RAI14: variants seen among roughly 807,000 people sequenced by gnomAD.
RAI14 encodes retinoic acid induced 14, also known as ankycorbin.
Under a neutral mutation model 115.4 loss-of-function variants are expected in RAI14, and 45 were observed. The ratio of observed to expected loss-of-function variants is 0.39; its 90% CI spans 0.31 to 0.50. RAI14 has a LOEUF of 0.50. Among genes scored for constraint, RAI14 ranks in the 20% least tolerant of loss-of-function variants. The pLI, the probability that RAI14 is intolerant of heterozygous loss-of-function variation, is 0.85. For missense variants in RAI14, 939 were observed against 1,131.2 expected (o/e 0.83, Z 2.44); for synonymous variants, 371 against 415.4 (o/e 0.89, Z 1.30).
At chr5:34,733,587 C>T (rs1744465971) in intron 2 of RAI14, among the ~76,000 whole-genome samples, 2 of 152,170 alleles carry the variant, frequency 1.3e-5, no homozygotes, top group African/African-American at 2.4e-5. Context: ...CTCTCTTTCA[C>T]CTAGAGCATC....
In RAI14 at chr5:34,748,519, G is replaced by T. The variant is rs542463271; in HGVS notation, c.37-8949G>T. Among the ~76,000 whole-genome samples the T allele has an allele frequency of 9.2e-5, 14 of 152,196 alleles. No individual in the cohort carries two copies. In the East Asian group the frequency reaches 2.7e-3, roughly 29 times the overall value. ...TAAATATTACTTCTTGCAAGGACTG[G>T]TTCACAATCCAGTCAGGAAACTCCC... On this transcript the variant is annotated intron_variant, in intron 2 of 17. Coordinates refer to ENST00000265109, the MANE Select transcript of RAI14 (RefSeq NM_015577.3).
rs1756861558 is a variant in RAI14 at position 34,821,808 on chromosome 5, T to C, written c.1071T>C (p.Ala357=). The C allele has an allele frequency of 6.2e-7, 1 of 1,609,510 alleles. No homozygotes were observed. The highest frequency in any genetic ancestry group is 8.5e-7 in the Non-Finnish European group (1 of 1,176,370). The part of the protein sequence containing the change: ...DLLSLLQAKV[A]SLTLHNKELQ... ...TCTCTCTATTGCAAGCAAAAGTTGC[T>C]TCCCTTACCTTACACAATAAGGAGT... Residue 357 remains alanine, a synonymous_variant, in exon 14 of 18, where the codon GCT becomes GCC. Transcript: ENST00000265109.
chr5:34,761,702 A>C (rs1477867937), intron 3 of RAI14, among the ~76,000 whole-genome samples: 1 of 151,980 alleles, frequency 6.6e-6, no homozygotes, highest in Non-Finnish European at 1.5e-5. Context: ...TCCAATCCAA[A>C]ATGCCACCCT....
intron 3 of RAI14, among the ~76,000 whole-genome samples, chr5:34,774,387 C>G (rs1474829365): frequency 1.3e-5 from 2 of 151,646 alleles, no homozygotes; most frequent in African/African-American, 4.8e-5. Context: ...AACAAACAAA[C>G]AAAAAAACTG....
rs2150322278 is a variant in RAI14 at position 34,831,828 on chromosome 5, T to C, written c.*1063T>C. On this transcript the variant is annotated 3_prime_UTR_variant, in exon 18 of 18. Transcript: ENST00000265109. ...CCAACACCCCTAGAACTTTCAGCCA[T>C]GGTGTCTTCAGAATTGTAGCGCATT... The C allele has an allele frequency of 6.6e-6, 1 of 152,288 alleles. No individual in the cohort carries two copies. Among genetic ancestry groups the C allele is most frequent in the East Asian group, 1.9e-4 (1 of 5,178 alleles). The allele number at this position is 152,288 out of a possible 1,614,324, so 9.4% of individuals were successfully genotyped here. A position where few individuals can be genotyped will look rare whatever the true frequency, so the allele number is the denominator to read the frequency against.
intron 3 of RAI14, among the ~76,000 whole-genome samples, chr5:34,765,317 A>T (rs1357475659): frequency 1.3e-5 from 2 of 152,228 alleles, no homozygotes; most frequent in African/African-American, 2.4e-5. Flanking sequence ...TCAGAAGAAG[A>T]CAGGAAAATG....
chr5:34,782,711 C>T (rs1028999858), intron 3 of RAI14, among the ~76,000 whole-genome samples: 1 of 152,202 alleles, frequency 6.6e-6, no homozygotes, highest in African/African-American at 2.4e-5. Context: ...ACTATACCTC[C>T]ATGTTTCCAG....
intron 3 of RAI14, among the ~76,000 whole-genome samples, chr5:34,776,032 C>G (rs1438106450): frequency 6.6e-6 from 1 of 152,118 alleles, no homozygotes; most frequent in African/African-American, 2.4e-5. Flanking sequence ...TGTCCATCAT[C>G]AGATGAATGG....
intron 2 of RAI14, among the ~76,000 whole-genome samples, chr5:34,746,559 C>G (rs1746254565): frequency 6.6e-6 from 1 of 151,418 alleles, no homozygotes; most frequent in Non-Finnish European, 1.5e-5. Flanking sequence ...TGCATGCCAC[C>G]ACACCCAGCT....
At chr5:34,784,881 G>A (rs961634827) in intron 3 of RAI14, among the ~76,000 whole-genome samples, 15 of 152,166 alleles carry the variant, frequency 9.9e-5, no homozygotes, top group African/African-American at 3.1e-4. Flanking sequence ...AGAGCAGGTC[G>A]TATCCAATTA....
chr5:34,786,015 C>T (rs1417839640), intron 3 of RAI14, among the ~76,000 whole-genome samples: 3 of 152,152 alleles, frequency 2.0e-5, no homozygotes, highest in Admixed American at 1.3e-4. Flanking sequence ...GCAGGGTTCC[C>T]GAGGCAGAAG....
At chr5:34,735,790 G>A (rs963978308) in intron 2 of RAI14, among the ~76,000 whole-genome samples, 1 of 152,220 alleles carries the variant, frequency 6.6e-6, no homozygotes, top group African/African-American at 2.4e-5. Flanking sequence ...TTAGAGTGGA[G>A]TTTTAGCATG....
chr5:34,751,980 T>G (rs1007802164), intron 2 of RAI14, among the ~76,000 whole-genome samples: 7 of 152,306 alleles, frequency 4.6e-5, no homozygotes, highest in African/African-American at 1.7e-4. Context: ...TGAACCTAAG[T>G]GATTCCAGGG....
chr5:34,710,994 G>A (rs1011990970), intron 2 of RAI14, among the ~76,000 whole-genome samples: 1 of 152,150 alleles, frequency 6.6e-6, no homozygotes, highest in Non-Finnish European at 1.5e-5. Context: ...GTTTGACCTG[G>A]TCAAAGAGAA....
At chr5:34,813,754 C>T (rs765061371) in intron 11 of RAI14, 94 bp downstream of exon 11, 69 of 967,118 alleles carry the variant, frequency 7.1e-5, no homozygotes, top group Non-Finnish European at 9.1e-5. Context: ...TGTTTTAGAA[C>T]TGACCTTTAA....
chr5:34,826,239 A>C, intron 15 of RAI14, 91 bp from the exon 16 acceptor site: 2 of 1,288,720 alleles, frequency 1.6e-6, no homozygotes, highest in Non-Finnish European at 2.1e-6. Context: ...AGAGGCCAAA[A>C]GAGATGACTA....
intron 2 of RAI14, among the ~76,000 whole-genome samples, chr5:34,696,137 T>G (rs189958785): frequency 3.3e-5 from 5 of 152,120 alleles, no homozygotes; most frequent in Non-Finnish European, 4.4e-5. Context: ...TATTTATTTT[T>G]TATTATTTTT....
In RAI14 at chr5:34,831,045, G is replaced by T; in HGVS notation, c.*280G>T. 1 of 422,312 alleles carries T rather than the reference G, an allele frequency of 2.4e-6. No individual in the cohort carries two copies. Among genetic ancestry groups the T allele is most frequent in the Non-Finnish European group, 3.9e-6 (1 of 258,092 alleles). 26.2% of individuals were successfully genotyped at this position (422,312 alleles called of 1,614,324 possible). A position where few individuals can be genotyped will look rare whatever the true frequency, so the allele number is the denominator to read the frequency against. On this transcript the variant is annotated 3_prime_UTR_variant, in exon 18 of 18. Transcript: ENST00000265109. ...CAGAGGTCTGGTCCTGATGCTGGCA[G>T]GGGGGCCCCCTCCTCCATCCCTGAC... is the stretch of plus-strand genomic sequence containing the variant.
chr5:34,801,878 C>G (rs1044365980), intron 4 of RAI14, among the ~76,000 whole-genome samples: 1 of 152,032 alleles, frequency 6.6e-6, no homozygotes, highest in Non-Finnish European at 1.5e-5. Context: ...TGAGACTAGC[C>G]TGGGCAACAT....
Sources: allele counts gnomAD v4.1 joint callset (sites outside exome capture counted in the v4.1 genomes callset), GRCh38; gene constraint gnomAD v4.1.1; transcripts MANE v1.5; gene names NCBI Gene and HGNC (gene_info 2026-07-23, HGNC 2026-07-21).